BAALC: variants seen among roughly 807,000 people sequenced by gnomAD.
BAALC encodes the protein BAALC binder of MAP3K1 and KLF4.
A neutral mutation model predicts 15.5 loss-of-function variants in BAALC; 9 were observed. The ratio of observed to expected loss-of-function variants is 0.58; its 90% CI spans 0.35 to 1.02. The LOEUF (loss-of-function observed/expected upper bound fraction) is 1.02, where lower values mean the gene tolerates loss of function less well. Ranked by LOEUF, BAALC falls within the 50% of genes least tolerant of loss-of-function variation. BAALC has a pLI of 0.02. For synonymous variants in BAALC, 80 were observed against 74.6 expected (o/e 1.07, Z -0.37); for missense variants, 201 against 192.4 (o/e 1.04, Z -0.27).
chr8:103,175,081 G>A (rs769955995), intron 1 of BAALC, among the ~76,000 whole-genome samples: 3 of 152,172 alleles, frequency 2.0e-5, no homozygotes, highest in Non-Finnish European at 4.4e-5. Context: ...ACTCCCTGCA[G>A]TTACTCACCT....
At chr8:103,182,219 C>A (rs1181072721) in intron 1 of BAALC, among the ~76,000 whole-genome samples, 1 of 152,234 alleles carries the variant, frequency 6.6e-6, no homozygotes, top group African/African-American at 2.4e-5. Flanking sequence ...TTTTCTGAGG[C>A]TCCAGCCAGC....
chr8:103,188,529 G>T (rs1485637245), intron 1 of BAALC, among the ~76,000 whole-genome samples: 1 of 152,214 alleles, frequency 6.6e-6, no homozygotes, highest in Non-Finnish European at 1.5e-5. Context: ...CACTAATGAA[G>T]AATGTATCCT....
chr8:103,225,111 G>C (rs1275581585), intron 2 of BAALC, among the ~76,000 whole-genome samples: 1 of 152,194 alleles, frequency 6.6e-6, no homozygotes. Flanking sequence ...TAGCCCTAGT[G>C]CCAGTTCAGG....
At chr8:103,179,387 G>A (rs888542116) in intron 1 of BAALC, among the ~76,000 whole-genome samples, 4 of 152,186 alleles carry the variant, frequency 2.6e-5, no homozygotes, top group African/African-American at 9.7e-5. Context: ...CTAGCATAAC[G>A]TTAATCATCT....
intron 1 of BAALC, among the ~76,000 whole-genome samples, chr8:103,201,372 A>G (rs1161048565): frequency 6.6e-6 from 1 of 152,020 alleles, no homozygotes; most frequent in African/African-American, 2.4e-5. Context: ...GGAGCATTCC[A>G]TGGTAAGGTT....
rs1053160675 is a variant in BAALC, at chr8:103,228,716, A to G, written c.*617A>G. On this transcript the variant is annotated 3_prime_UTR_variant, in exon 3 of 3. Coordinates refer to ENST00000309982, the MANE Select transcript of BAALC (RefSeq NM_024812.3). ...CATGCACCAACCCACTGCCCATGGC[A>G]TGTCTTTGGGAGGTGTCTGTGAAGC... 6.6e-6 allele frequency: 1 copy of G among 152,298 alleles called. No individual in the cohort carries two copies. The highest frequency in any genetic ancestry group is 1.5e-5 in the Non-Finnish European group (1 of 68,116). 9.4% of individuals were successfully genotyped at this position (152,298 alleles called of 1,614,324 possible). A position where few individuals can be genotyped will look rare whatever the true frequency, so the allele number is the denominator to read the frequency against.
chr8:103,146,884 G>A (rs918519714), intron 1 of BAALC, among the ~76,000 whole-genome samples: 5 of 152,224 alleles, frequency 3.3e-5, no homozygotes, highest in African/African-American at 1.2e-4. Context: ...CCTGGGCAGA[G>A]TATCATGTTG....
At chr8:103,181,403 C>T (rs1044707777) in intron 1 of BAALC, among the ~76,000 whole-genome samples, 1 of 152,150 alleles carries the variant, frequency 6.6e-6, no homozygotes. Context: ...TCCTGAGTAG[C>T]TGGGACTACA....
At chr8:103,182,119 C>T (rs1811742323) in intron 1 of BAALC, among the ~76,000 whole-genome samples, 1 of 152,186 alleles carries the variant, frequency 6.6e-6, no homozygotes, top group South Asian at 2.1e-4. Flanking sequence ...TTTGCTGTTT[C>T]ATATCCCACC....
At chr8:103,227,087 G>C (rs1812822334) in intron 2 of BAALC, among the ~76,000 whole-genome samples, 1 of 152,184 alleles carries the variant, frequency 6.6e-6, no homozygotes, top group African/African-American at 2.4e-5. Flanking sequence ...GCTCTGTGCT[G>C]TGTTGGTATT....
chr8:103,228,288 T>C lies in BAALC; in HGVS notation c.*189T>C, dbSNP rs1049367706. On this transcript the variant is annotated 3_prime_UTR_variant, in exon 3 of 3. Transcript: ENST00000309982. The stretch of plus-strand genomic sequence containing the variant: ...TGGGACCTTCTGAGCCTTCTACTTA[T>C]CATGTAAATGTATTGGCACAGTGCT... 1.1e-5 allele frequency: 6 copies of C among 569,568 alleles called. No homozygotes were observed. The highest frequency in any genetic ancestry group is 3.8e-5 in the African/African-American group (2 of 53,202). 35.3% of individuals were successfully genotyped at this position (569,568 alleles called of 1,614,324 possible).
intron 2 of BAALC, chr8:103,213,390 T>C (rs1031441249): frequency 8.3e-5 from 18 of 217,894 alleles, no homozygotes; most frequent in South Asian, 1.5e-4. Flanking sequence ...GAGGAACCAG[T>C]CTTAGGCCAG....
At chr8:103,220,725 A>G (rs1812657817) in intron 2 of BAALC, among the ~76,000 whole-genome samples, 1 of 152,242 alleles carries the variant, frequency 6.6e-6, no homozygotes, top group Non-Finnish European at 1.5e-5. Flanking sequence ...AAATCCCTGC[A>G]ACATTCCATA....
At chr8:103,198,556 GTGTA>G (rs1401449604) in intron 1 of BAALC, among the ~76,000 whole-genome samples, 3 of 152,070 alleles carry the variant, frequency 2.0e-5, no homozygotes, top group Admixed American at 2.0e-4. Flanking sequence ...GTATATGTGT[GTGTA>G]TGTATCCCTG....
intron 1 of BAALC, among the ~76,000 whole-genome samples, chr8:103,169,120 A>G (rs1811419278): frequency 1.3e-5 from 2 of 151,890 alleles, no homozygotes; most frequent in Non-Finnish European, 2.9e-5. Context: ...ATTTCTCCCT[A>G]GCCTGGTCCT....
At chr8:103,167,511 C>A (rs1811376452) in intron 1 of BAALC, among the ~76,000 whole-genome samples, 1 of 152,160 alleles carries the variant, frequency 6.6e-6, no homozygotes, top group East Asian at 1.9e-4. Context: ...TTGGACAGCA[C>A]AGGCAGAAGA....
chr8:103,152,686 G>A (rs1811011742), intron 1 of BAALC, among the ~76,000 whole-genome samples: 1 of 152,214 alleles, frequency 6.6e-6, no homozygotes, highest in Non-Finnish European at 1.5e-5. Flanking sequence ...GTTAGGGATT[G>A]CATCTGGCTG....
intron 1 of BAALC, among the ~76,000 whole-genome samples, chr8:103,148,618 A>T (rs1810921822): frequency 6.6e-6 from 1 of 152,172 alleles, no homozygotes. Flanking sequence ...AGTAGGTCTC[A>T]TTCATTCTTT....
chr8:103,229,292 G>A lies in BAALC; in HGVS notation c.*1193G>A, dbSNP rs1274963747. ...AGGATTGTTAACATGCCTGGGATTG[G>A]GAAAGATAGGACTAAAGTTGTGCCA... On this transcript the variant is annotated 3_prime_UTR_variant, in exon 3 of 3. Transcript: ENST00000309982. 2 of 152,156 alleles carry A rather than the reference G, an allele frequency of 1.3e-5. No homozygotes were observed. Among genetic ancestry groups the A allele is most frequent in the Non-Finnish European group, 2.9e-5 (2 of 68,036 alleles). The allele number at this position is 152,156 out of a possible 1,614,324, so 9.4% of individuals were successfully genotyped here. A position where few individuals can be genotyped will look rare whatever the true frequency, so the allele number is the denominator to read the frequency against.
Sources: allele counts gnomAD v4.1 joint callset (sites outside exome capture counted in the v4.1 genomes callset), GRCh38; gene constraint gnomAD v4.1.1; transcripts MANE v1.5; gene names NCBI Gene and HGNC (gene_info 2026-07-23, HGNC 2026-07-21).